CELSR3: variants seen among roughly 807,000 people sequenced by gnomAD.
CELSR3 encodes the protein cadherin EGF LAG seven-pass G-type receptor 3, also known as EGF-like protein 1.
A neutral mutation model predicts 270.0 loss-of-function variants in CELSR3; 73 were observed. That is an observed-to-expected ratio of 0.27 (90% confidence interval 0.22 to 0.33). CELSR3 has a LOEUF of 0.33. CELSR3 is among the 10% of genes least tolerant of loss of function. The probability of loss-of-function intolerance (pLI) is 1.00; values close to 1 mark genes in which losing one functional copy is unlikely to be tolerated. For missense variants in CELSR3, 3,614 were observed against 4,533.8 expected, an observed-to-expected ratio of 0.80 and a Z score of 5.83; for synonymous variants, 1,780 against 1,905.4, an observed-to-expected ratio of 0.93 and a Z score of 1.71.
rs1383755024 is a variant in CELSR3, at chr3:48,642,596, T to C, written c.8556-129A>G. The C allele has an allele frequency of 1.4e-6, 2 of 1,438,318 alleles. No individual in the cohort carries two copies. The highest frequency in any genetic ancestry group is 2.8e-5 in the African/African-American group (2 of 70,854). 89.1% of individuals were successfully genotyped at this position (1,438,318 alleles called of 1,614,324 possible). A position where few individuals can be genotyped will look rare whatever the true frequency, so the allele number is the denominator to read the frequency against. ...CCCTGGGTGTGTGTGGTGGGAAGCA[T>C]TTAGGGCAGAGGCAGAAGCAGGGCC... On this transcript the variant is annotated intron_variant, in intron 30 of 34. Transcript: ENST00000164024. The surrounding 1 kb of genome is among the most constrained non-coding windows in gnomAD (Gnocchi z 6.1).
In CELSR3 at chr3:48,645,961, G is replaced by A. The variant is rs1295273966; in HGVS notation, c.7464-93C>T. 6.4e-7 allele frequency: 1 copy of A among 1,567,816 alleles called. No homozygotes were observed. The highest frequency in any genetic ancestry group is 8.7e-7 in the Non-Finnish European group (1 of 1,151,968). On this transcript the variant is annotated intron_variant, in intron 22 of 34. Coordinates refer to ENST00000164024, the MANE Select transcript of CELSR3 (RefSeq NM_001407.3). The surrounding 1 kb of genome is among the most constrained non-coding windows in gnomAD (Gnocchi z 5.4). ...GGAAGGGCTGAGGGTGCCTGGAGTT[G>A]GGGTACAGCATTCCTCATGGTCCGG...
In CELSR3 at chr3:48,644,965, G is replaced by T; in HGVS notation, c.7972+70C>A. ...CTTGGGGTTTGAGGTTGGGGGTCAT[G>T]AGCAGGAGTGGGGACAGGGTCAGGG... On this transcript the variant is annotated intron_variant, in intron 25 of 34. Transcript: ENST00000164024. This position sits in a 1 kb window ranked among gnomAD's most constrained non-coding sequence, Gnocchi z 4.8. 1 of 1,544,178 alleles carries T rather than the reference G, an allele frequency of 6.5e-7. No homozygotes were observed. The highest frequency in any genetic ancestry group is 8.8e-7 in the Non-Finnish European group (1 of 1,134,080).
At position 48,655,226 on chromosome 3, in the gene CELSR3, A is replaced by C; in HGVS notation, c.4831-25T>G. The C allele has an allele frequency of 6.2e-7, 1 of 1,614,014 alleles. No individual in the cohort carries two copies. The highest frequency in any genetic ancestry group is 8.5e-7 in the Non-Finnish European group (1 of 1,179,940). On this transcript the variant is annotated intron_variant, in intron 5 of 34. Transcript: ENST00000164024. The surrounding 1 kb of genome is among the most constrained non-coding windows in gnomAD (Gnocchi z 5.8). The stretch of plus-strand genomic sequence containing the variant: ...GCTGAAGACGCAGGCACACCAGTCA[A>C]CAGTGCCCCCAGTAACCCCTGAGGA...
At chr3:48,649,070 C>A (rs535718090) in intron 17 of CELSR3, 51 bp downstream of exon 17, 7 of 1,571,652 alleles carry the variant, frequency 4.5e-6, no homozygotes, top group African/African-American at 1.3e-5. Context: ...TGGGGCCCAC[C>A]ACAGGCCAAG....
In CELSR3 at chr3:48,661,800, G is replaced by C. The variant is rs1364784720; in HGVS notation, c.835C>G (p.Arg279Gly). The C allele has an allele frequency of 4.4e-6, 7 of 1,608,294 alleles. No individual in the cohort carries two copies. Among genetic ancestry groups the C allele is most frequent in the Non-Finnish European group, 5.9e-6 (7 of 1,179,134 alleles). ...AGGAAGCGGCAGCGGAAGAGACCCC[G>C]GGAGCGCATGCGCTTGGGCGCCGGC... The part of the protein sequence containing the change: ...PEPAPKRMRS[R>G]GLFRCRFLPQ... The change falls in exon 1 of 35, where the codon CGG (arginine) becomes GGG (glycine). Residue 279 changes from arginine (R) to glycine (G), a missense_variant. Around this residue, in one of 7 missense-constraint regions of CELSR3, gnomAD observed 470 missense variants for 469.7 expected, o/e 1.00. Transcript: ENST00000164024.
In CELSR3 at chr3:48,646,126, C is replaced by T. The variant is rs967587279; in HGVS notation, c.7427G>A (p.Ser2476Asn). 1 of 1,612,922 alleles carries T rather than the reference C, an allele frequency of 6.2e-7. No homozygotes were observed. Among genetic ancestry groups the T allele is most frequent in the Non-Finnish European group, 8.5e-7 (1 of 1,179,924 alleles). The part of the protein sequence containing the change: ...EFRLLQTANR[S>N]KAICVQWDPP... ...GTCCCACTGCACACAGATCGCCTTG[C>T]TCCGATTCGCTGTCTGTAGCAGGCG... Residue 2476 changes from serine (S) to asparagine (N), a missense_variant, in exon 22 of 35, where the codon AGC becomes AAC. This residue lies in a region of CELSR3 where 1,240 missense variants were observed against 1,351.7 expected (regional missense o/e 0.92). Transcript: ENST00000164024. This position sits in a 1 kb window ranked among gnomAD's most constrained non-coding sequence, Gnocchi z 4.8.
rs1001462791 is a variant in CELSR3 at position 48,644,510 on chromosome 3, G to C, written c.8085+206C>G. On this transcript the variant is annotated intron_variant, in intron 26 of 34. Transcript: ENST00000164024. This position sits in a 1 kb window ranked among gnomAD's most constrained non-coding sequence, Gnocchi z 4.8. The stretch of plus-strand genomic sequence containing the variant: ...GAGAGAGAAGCAGAGACAGAGGCAG[G>C]GACAGGCAACTGAATCTCTGACCCC... 1.3e-5 allele frequency among the ~76,000 whole-genome samples: 2 copies of C among 152,052 alleles called. No homozygotes were observed. The highest frequency in any genetic ancestry group is 1.3e-4 in the Admixed American group (2 of 15,262).
Position 48,653,482 on chromosome 3 carries a change from G to A in CELSR3, c.5448+137C>T. 9.9e-7 allele frequency: 1 copy of A among 1,013,912 alleles called. No individual in the cohort carries two copies. Among genetic ancestry groups the A allele is most frequent in the Non-Finnish European group, 1.5e-6 (1 of 673,530 alleles). The allele number at this position is 1,013,912 out of a possible 1,614,324, so 62.8% of individuals were successfully genotyped here. On this transcript the variant is annotated intron_variant, in intron 9 of 34. Coordinates refer to ENST00000164024, the MANE Select transcript of CELSR3 (RefSeq NM_001407.3). This position sits in a 1 kb window ranked among gnomAD's most constrained non-coding sequence, Gnocchi z 6.5. Reference sequence around the variant, plus strand: ...GATGGAAAGAGAATCAAGGGCTAGGGTCCAGAGCAGGGTCAAGTGTGGTTG... The same window carrying A: ...GATGGAAAGAGAATCAAGGGCTAGGATCCAGAGCAGGGTCAAGTGTGGTTG...
chr3:48,649,019 C>A, intron 17 of CELSR3, 91 bp from the exon 18 acceptor site: 5 of 1,545,032 alleles, frequency 3.2e-6, no homozygotes, highest in Non-Finnish European at 4.4e-6. Flanking sequence ...TAAAGGGCAA[C>A]CAGGAAAGGC....
In CELSR3 at chr3:48,649,147, G is replaced by C; in HGVS notation, c.6541C>G (p.Pro2181Ala). 1 of 1,612,638 alleles carries C rather than the reference G, an allele frequency of 6.2e-7. No individual in the cohort carries two copies. ...LEPDLFNCTS[P>A]AFRELSLLLD... ...AGCAGACTGAGCTCTCGAAAGGCAG[G>C]GGAGGTACAGTTGAAGAGGTCGGGC... The change falls in exon 17 of 35, where the codon CCT (proline) becomes GCT (alanine). Residue 2181 changes from proline (P) to alanine (A), a missense_variant. Coordinates refer to ENST00000164024, the MANE Select transcript of CELSR3 (RefSeq NM_001407.3).
rs1161485264 is a variant in CELSR3 at position 48,658,782 on chromosome 3, C to T, written c.3748+105G>A. The T allele has an allele frequency of 1.4e-5, 20 of 1,415,360 alleles. No homozygotes were observed. In the East Asian group the frequency reaches 3.7e-4, roughly 26 times the overall value. 87.7% of individuals were successfully genotyped at this position (1,415,360 alleles called of 1,614,324 possible). ...GCAGGAACCCTACCCTTAAGGGGTT[C>T]TTGGAAGGCTTAGAAATCCCTCTTT... is the stretch of plus-strand genomic sequence containing the variant. On this transcript the variant is annotated intron_variant, in intron 1 of 34. Coordinates refer to ENST00000164024, the MANE Select transcript of CELSR3 (RefSeq NM_001407.3). The surrounding 1 kb of genome is among the most constrained non-coding windows in gnomAD (Gnocchi z 4.7).
intron 3 of CELSR3, 49 bp downstream of exon 3, chr3:48,656,091 G>A (rs1280121819): frequency 1.3e-6 from 2 of 1,500,094 alleles, no homozygotes; most frequent in Non-Finnish European, 1.8e-6. Flanking sequence ...AGTCAGGGCG[G>A]GTAGGTGGGG....
chr3:48,642,851 C>T lies in CELSR3; in HGVS notation c.8440G>A (p.Glu2814Lys). ...PGAYNNTALF[E>K]ESGLIRITLG... ...GTGATGCGGATGAGGCCACTCTCCT[C>T]AAAGAGAGCCGTGTTGTTGTAGGCC... The change falls in exon 30 of 35, where the codon GAG (glutamate) becomes AAG (lysine). Residue 2814 changes from glutamate to lysine, a missense_variant. By Grantham distance (56) the Glu-to-Lys change is moderately conservative. Coordinates refer to ENST00000164024, the MANE Select transcript of CELSR3 (RefSeq NM_001407.3). The surrounding 1 kb of genome is among the most constrained non-coding windows in gnomAD (Gnocchi z 6.1). The T allele has an allele frequency of 6.2e-7, 1 of 1,613,202 alleles. No homozygotes were observed. Among genetic ancestry groups the T allele is most frequent in the Non-Finnish European group, 8.5e-7 (1 of 1,179,944 alleles).
rs779436854 is a variant in CELSR3, at chr3:48,661,799, C to G, written c.836G>C (p.Arg279Pro). The G allele has an allele frequency of 6.2e-7, 1 of 1,608,338 alleles. No individual in the cohort carries two copies. Among genetic ancestry groups the G allele is most frequent in the Non-Finnish European group, 8.5e-7 (1 of 1,179,060 alleles). ...GAGGAAGCGGCAGCGGAAGAGACCCCGGGAGCGCATGCGCTTGGGCGCCGG... is the reference window on the plus strand; with the variant it reads ...GAGGAAGCGGCAGCGGAAGAGACCCGGGGAGCGCATGCGCTTGGGCGCCGG... ...PEPAPKRMRSRGLFRCRFLPQ... is the reference protein window; with the variant it reads ...PEPAPKRMRSPGLFRCRFLPQ... The change falls in exon 1 of 35, where the codon CGG becomes CCG. Residue 279 changes from arginine (R) to proline (P), a missense_variant. This residue lies in a region of CELSR3 where 470 missense variants were observed against 469.7 expected (regional missense o/e 1.00). Coordinates refer to ENST00000164024, the MANE Select transcript of CELSR3 (RefSeq NM_001407.3).
Position 48,641,960 on chromosome 3 carries a change from A to G in CELSR3, c.8715T>C (p.Ser2905=). Residue 2905 remains serine (S), a synonymous_variant, in exon 32 of 35, where the codon AGT becomes AGC. Coordinates refer to ENST00000164024, the MANE Select transcript of CELSR3 (RefSeq NM_001407.3). This position sits in a 1 kb window ranked among gnomAD's most constrained non-coding sequence, Gnocchi z 4.8. ...DSDLSLEEER[S]LSIPSSESED... The stretch of plus-strand genomic sequence containing the variant: ...CGCTTTCTGAAGATGGAATGGAGAG[A>G]CTCCTCTCCTCCTCCAAGGACAGGT... 1.9e-6 allele frequency: 3 copies of G among 1,588,644 alleles called. No individual in the cohort carries two copies. The highest frequency in any genetic ancestry group is 1.1e-5 in the South Asian group (1 of 87,706).
In CELSR3 at chr3:48,644,332, C is replaced by CAGAGAG. The variant is rs147930066; in HGVS notation, c.8086-43_8086-38dup. On this transcript the variant is annotated intron_variant, in intron 26 of 34. Coordinates refer to ENST00000164024, the MANE Select transcript of CELSR3 (RefSeq NM_001407.3). The surrounding 1 kb of genome is among the most constrained non-coding windows in gnomAD (Gnocchi z 4.8). ...GCCAGACATGTGGGGCCGGGCAGGG[C>CAGAGAG]AGAGAGAGAGAGAGAGAGAGAGGCA... 11 of 1,475,276 alleles carry CAGAGAG rather than the reference C, an allele frequency of 7.5e-6. No individual in the cohort carries two copies. Among genetic ancestry groups the CAGAGAG allele is most frequent in the African/African-American group, 4.2e-5 (3 of 70,884 alleles). The allele number at this position is 1,475,276 out of a possible 1,614,324, so 91.4% of individuals were successfully genotyped here. A position where few individuals can be genotyped will look rare whatever the true frequency, so the allele number is the denominator to read the frequency against.
chr3:48,657,396 C>T lies in CELSR3; in HGVS notation c.3749-48G>A. 5.3e-6 allele frequency: 8 copies of T among 1,501,192 alleles called. No homozygotes were observed. The highest frequency in any genetic ancestry group is 6.2e-6 in the Non-Finnish European group (7 of 1,125,450). 93.0% of individuals were successfully genotyped at this position (1,501,192 alleles called of 1,614,324 possible). Reference sequence around the variant, plus strand: ...TGGTCATCCTGGGGACAGTGGCCACCCCTCCCTGGGACACAAGAGGGCTGG... The same window carrying T: ...TGGTCATCCTGGGGACAGTGGCCACTCCTCCCTGGGACACAAGAGGGCTGG... On this transcript the variant is annotated intron_variant, in intron 1 of 34. Transcript: ENST00000164024. This position sits in a 1 kb window ranked among gnomAD's most constrained non-coding sequence, Gnocchi z 5.4.
Position 48,661,944 on chromosome 3 carries a change from G to T in CELSR3, c.691C>A (p.Arg231=). 6.2e-7 allele frequency: 1 copy of T among 1,613,400 alleles called. No individual in the cohort carries two copies. Among genetic ancestry groups the T allele is most frequent in the Non-Finnish European group, 8.5e-7 (1 of 1,180,010 alleles). The change falls in exon 1 of 35, where the codon CGG becomes AGG. Residue 231 remains arginine (R), a synonymous_variant. Transcript: ENST00000164024. ...GAGGCCCCTGGAAGACAGTTCCGCC[G>T]GGGGGCTGTCCTTTCTGCTCCGGAT... is the stretch of plus-strand genomic sequence containing the variant. The part of the protein sequence containing the change: ...TTSGAERTAP[R]RNCLPGASGS...
In CELSR3 at chr3:48,662,178, G is replaced by C; in HGVS notation, c.457C>G (p.Leu153Val). The change falls in exon 1 of 35, where the codon CTG becomes GTG. Residue 153 changes from leucine to valine, a missense_variant. This residue lies in a region of CELSR3 where 470 missense variants were observed against 469.7 expected (regional missense o/e 1.00). Coordinates refer to ENST00000164024, the MANE Select transcript of CELSR3 (RefSeq NM_001407.3). This position sits in a 1 kb window ranked among gnomAD's most constrained non-coding sequence, Gnocchi z 7.1. ...CCTGAGGACAGAGCCCCTGGTGACA[G>C]ACTACCTCTTTGCAAAGGTCCTGTC... Reference protein sequence around the residue: ...GRTGPLQRGSLSPGALSSGVP... With the variant: ...GRTGPLQRGSVSPGALSSGVP... 6.2e-7 allele frequency: 1 copy of C among 1,612,600 alleles called. No homozygotes were observed. Among genetic ancestry groups the C allele is most frequent in the Non-Finnish European group, 8.5e-7 (1 of 1,179,338 alleles).
Sources: gnomAD v4.1 joint callset for allele counts (sites outside exome capture counted in the v4.1 genomes callset) on GRCh38, gnomAD v4.1.1 for gene constraint, gnomAD v4.1.1 regional missense constraint, Gnocchi (gnomAD v3.1) non-coding constraint, MANE v1.5 for transcripts, NCBI Gene and HGNC (gene_info 2026-07-23, HGNC 2026-07-21) for gene names.